The following SGCD variants were observed in gnomAD, a reference collection of about 807,000 sequenced individuals.
SGCD encodes the protein sarcoglycan delta.
SGCD carries 18 observed loss-of-function variants against 36.6 expected under a neutral mutation model. The ratio of observed to expected loss-of-function variants is 0.49; its 90% confidence interval spans 0.34 to 0.73. The LOEUF is 0.73. Ranked by LOEUF, SGCD falls within the 30% of genes least tolerant of loss-of-function variation. The probability of loss-of-function intolerance (pLI) is 0.01; values close to 1 mark genes in which losing one functional copy is unlikely to be tolerated. For synonymous variants in SGCD, 133 were observed against 130.6 expected, an observed-to-expected ratio of 1.02 and a Z score of -0.12; for missense variants, 387 against 346.7, an observed-to-expected ratio of 1.12 and a Z score of -0.92.
Position 156,759,242 on chromosome 5 carries a change from G to A in SGCD, c.725G>A (p.Arg242Lys), listed in dbSNP as rs1253236338. 1.2e-6 allele frequency: 2 copies of A among 1,613,794 alleles called. No homozygotes were observed. The highest frequency in any genetic ancestry group is 3.3e-5 in the Admixed American group (2 of 59,994). The change falls in exon 9 of 9, where the codon AGG becomes AAG. Residue 242 changes from arginine to lysine, a missense_variant. By Grantham distance (26) the Arg-to-Lys change is conservative. Coordinates refer to ENST00000337851, the MANE Select transcript of SGCD (RefSeq NM_000337.6). ...ATTAAGTTAGATGCTGCGAAAATCA[G>A]GCTACCTAGACTGCCTCATGGATCC... The part of the protein sequence containing the change: ...GEIKLDAAKI[R>K]LPRLPHGSYT...
At chr5:155,849,448 A>G in the SGCD span, among the ~76,000 whole-genome samples, 6,860 of 148,592 alleles carry the variant, frequency 0.046, 204 homozygotes, top group Middle Eastern at 0.14. Context: ...GTGCGCGCGC[A>G]CACACACACA....
intron 1 of SGCD, among the ~76,000 whole-genome samples, chr5:155,941,874 C>A (rs533588307): frequency 6.6e-6 from 1 of 152,226 alleles, no homozygotes; most frequent in East Asian, 1.9e-4. Flanking sequence ...CATATTGTAG[C>A]ATACTCAGAA....
intron 1 of SGCD, among the ~76,000 whole-genome samples, chr5:156,109,771 C>T (rs901581400): frequency 6.6e-6 from 1 of 152,126 alleles, no homozygotes; most frequent in Non-Finnish European, 1.5e-5. Flanking sequence ...TTTGTGATCC[C>T]ACAATGTCTT....
intron 4 of SGCD, among the ~76,000 whole-genome samples, chr5:156,569,248 G>T (rs1259477621): frequency 6.6e-6 from 1 of 152,088 alleles, no homozygotes; most frequent in African/African-American, 2.4e-5. Flanking sequence ...ACAAAAGAAA[G>T]TCCCTGCCTC....
chr5:156,189,343 A>C (rs1445350014), intron 3 of SGCD, among the ~76,000 whole-genome samples: 1 of 152,196 alleles, frequency 6.6e-6, no homozygotes, highest in Non-Finnish European at 1.5e-5. Flanking sequence ...TGAAAAAGCC[A>C]ACTGTAATGC....
chr5:156,524,404 G>A (rs2113062373), intron 4 of SGCD, among the ~76,000 whole-genome samples: 1 of 149,310 alleles, frequency 6.7e-6, no homozygotes, highest in South Asian at 2.1e-4. Flanking sequence ...TTGTGACCCA[G>A]TTTCTCCTAG....
intron 3 of SGCD, among the ~76,000 whole-genome samples, chr5:156,389,165 G>A (rs1424888710): frequency 6.6e-6 from 1 of 152,088 alleles, no homozygotes; most frequent in Non-Finnish European, 1.5e-5. Flanking sequence ...TATTCCCCTG[G>A]GACTTCTGTT....
intron 3 of SGCD, among the ~76,000 whole-genome samples, chr5:156,411,314 A>C (rs1772739309): frequency 6.6e-6 from 1 of 151,724 alleles, no homozygotes; most frequent in Non-Finnish European, 1.5e-5. Flanking sequence ...TCCTTTCCCC[A>C]CCCTCCTTGT....
chr5:156,248,083 G>C (rs1337983142), intron 3 of SGCD, among the ~76,000 whole-genome samples: 2 of 152,160 alleles, frequency 1.3e-5, no homozygotes, highest in African/African-American at 4.8e-5. Context: ...TAAAATGTAA[G>C]AGTTACATAG....
intron 1 of SGCD, among the ~76,000 whole-genome samples, chr5:155,913,852 C>G (rs1475315775): frequency 6.6e-6 from 1 of 152,200 alleles, no homozygotes; most frequent in Admixed American, 6.5e-5. Context: ...TTGCAAAATT[C>G]AGAAGCAGAG....
rs3074979 is a variant in SGCD, at chr5:156,482,813, G to GTTTTTTTTTTT, written c.193-25773_193-25763dup. On this transcript the variant is annotated intron_variant, in intron 3 of 8. Transcript: ENST00000337851. Reference sequence around the variant, plus strand: ...GCAGGTAGTATTATCCTTTTGGTCAGTTTTTTTTTTTTTTTTTTTTTTTTT... The same window carrying GTTTTTTTTTTT: ...GCAGGTAGTATTATCCTTTTGGTCAGTTTTTTTTTTTTTTTTTTTTTTTTTTTTTTTTTTTT... Among the ~76,000 whole-genome samples, 9 of 83,386 alleles carry GTTTTTTTTTTT rather than the reference G, an allele frequency of 1.1e-4. 1 individual carries two copies. The highest frequency in any genetic ancestry group is 3.4e-4 in the Admixed American group (2 of 5,862). The allele number at this position is 83,386 out of a possible 152,430, so 54.7% of individuals were successfully genotyped here.
intron 3 of SGCD, among the ~76,000 whole-genome samples, chr5:156,470,397 T>G (rs142344139): frequency 0.019 from 2,962 of 152,096 alleles, 33 homozygotes; most frequent in Non-Finnish European, 0.032. Context: ...CAATGTGCAG[T>G]TTAGTTACAT....
rs80086857 is a variant in SGCD at position 156,759,198 on chromosome 5, T to C, written c.700-19T>C. The C allele has an allele frequency of 3.6e-3, 5,857 of 1,607,908 alleles. 185 individuals carry two copies. In the African/African-American group the frequency reaches 0.068, roughly 19 times the overall value. The stretch of plus-strand genomic sequence containing the variant: ...GACAGCCTCTGACCAATGCTTTCCT[T>C]CCTATTCTCTGTCTTTAGATTAAGT... On this transcript the variant is annotated intron_variant, in intron 8 of 8. Transcript: ENST00000337851.
the SGCD span, among the ~76,000 whole-genome samples, chr5:155,732,093 G>C: frequency 2.0e-4 from 30 of 152,174 alleles, 1 homozygote; most frequent in Admixed American, 1.3e-4. Context: ...AAGGCAGATG[G>C]CTCCTCTGGT....
intron 3 of SGCD, among the ~76,000 whole-genome samples, chr5:156,500,436 A>T (rs1756395287): frequency 6.6e-6 from 1 of 152,214 alleles, no homozygotes; most frequent in Non-Finnish European, 1.5e-5. Flanking sequence ...CTGCCATTAA[A>T]ACTGCTCCAG....
chr5:156,286,861 C>T (rs944673398), intron 3 of SGCD, among the ~76,000 whole-genome samples: 4 of 151,782 alleles, frequency 2.6e-5, no homozygotes, highest in African/African-American at 9.7e-5. Context: ...GAGATAGGGT[C>T]AGTCAGGGTG....
At chr5:156,077,202 A>G (rs1394272453) in intron 1 of SGCD, among the ~76,000 whole-genome samples, 1 of 152,136 alleles carries the variant, frequency 6.6e-6, no homozygotes, top group Admixed American at 6.6e-5. Flanking sequence ...CTGAGCTGGC[A>G]TCTAAGATTA....
intron 1 of SGCD, among the ~76,000 whole-genome samples, chr5:155,874,561 G>C (rs1413379528): frequency 6.6e-6 from 1 of 152,038 alleles, no homozygotes; most frequent in Non-Finnish European, 1.5e-5. Context: ...AACAATTTTT[G>C]TAACTCAAAA....
At chr5:156,255,896 C>A (rs1414245729) in intron 3 of SGCD, among the ~76,000 whole-genome samples, 1 of 151,706 alleles carries the variant, frequency 6.6e-6, no homozygotes, top group Non-Finnish European at 1.5e-5. Context: ...TGTTTTACAT[C>A]TTTTTTCTAA....
Sources: allele counts gnomAD v4.1 joint callset (sites outside exome capture counted in the v4.1 genomes callset), GRCh38; gene constraint gnomAD v4.1.1; transcripts MANE v1.5; gene names NCBI Gene and HGNC (gene_info 2026-07-23, HGNC 2026-07-21).